CNTNAP2: variants seen among roughly 807,000 people sequenced by gnomAD.
CNTNAP2 encodes the protein contactin-associated protein-like 2.
A neutral mutation model predicts 155.2 loss-of-function variants in CNTNAP2; 98 were observed. The observed-to-expected ratio is 0.63, with a 90% CI of 0.54 to 0.75. The LOEUF (loss-of-function observed/expected upper bound fraction) is 0.75, where lower values mean the gene tolerates loss of function less well. CNTNAP2 is among the 30% of genes least tolerant of loss of function. The pLI is 0.00. For missense variants in CNTNAP2, 1,727 were observed against 1,688.1 expected (o/e 1.02, Z -0.40); for synonymous variants, 651 against 631.2 (o/e 1.03, Z -0.47).
chr7:147,225,902 GGAAA>G (rs763847928), intron 8 of CNTNAP2, among the ~76,000 whole-genome samples: 220 of 103,392 alleles, frequency 2.1e-3, no homozygotes, highest in Admixed American at 4.7e-3. Context: ...AAGGAAGGAA[GGAAA>G]GAAGGAAGGA....
intron 15 of CNTNAP2, among the ~76,000 whole-genome samples, chr7:148,080,437 C>T (rs1176384224): frequency 6.6e-6 from 1 of 151,782 alleles, no homozygotes; most frequent in Admixed American, 6.6e-5. Flanking sequence ...AGCCCCATCT[C>T]TACTAAAAAT....
Position 147,398,185 on chromosome 7 carries a change from A to G in CNTNAP2, c.1670+2405A>G, listed in dbSNP as rs149407858. Among the ~76,000 whole-genome samples, 27 of 152,194 alleles carry G rather than the reference A, an allele frequency of 1.8e-4. No individual in the cohort carries two copies. The East Asian group carries it at 5.2e-3, about 29-fold the overall frequency. On this transcript the variant is annotated intron_variant, in intron 10 of 23. Transcript: ENST00000361727. ...TCCAGGTAAAAGTACCAGTGGTTTT[A>G]GTCTGTCCTCATAGAGCAGTGATGT... is the stretch of plus-strand genomic sequence containing the variant.
At chr7:147,397,909 C>T (rs920862903) in intron 10 of CNTNAP2, among the ~76,000 whole-genome samples, 24 of 152,016 alleles carry the variant, frequency 1.6e-4, no homozygotes, top group African/African-American at 5.8e-4. Flanking sequence ...AAGTAGCCAC[C>T]TGTGACACAT....
At chr7:147,482,549 C>A (rs1407683406) in intron 10 of CNTNAP2, among the ~76,000 whole-genome samples, 4 of 151,096 alleles carry the variant, frequency 2.6e-5, no homozygotes, top group Non-Finnish European at 5.9e-5. Flanking sequence ...AAACCCCGTC[C>A]CTACAAAAAA....
At chr7:148,287,791 T>C (rs1461806036) in intron 21 of CNTNAP2, among the ~76,000 whole-genome samples, 10 of 20,326 alleles carry the variant, frequency 4.9e-4, no homozygotes, top group East Asian at 5.2e-3. Flanking sequence ...TTCTTTCTTT[T>C]TTTCTTTTTT....
chr7:146,231,039 T>TAAATAAATAAATAAATAAATAAAA (rs1195125681), intron 1 of CNTNAP2, among the ~76,000 whole-genome samples: 66 of 140,124 alleles, frequency 4.7e-4, no homozygotes, highest in African/African-American at 1.6e-3. Context: ...AATAAATAAA[T>TAAATAAATAAATAAATAAATAAAA]AAAAAGTTAA....
intron 2 of CNTNAP2, among the ~76,000 whole-genome samples, chr7:146,828,730 G>C (rs1169581726): frequency 6.6e-6 from 1 of 152,070 alleles, no homozygotes; most frequent in Non-Finnish European, 1.5e-5. Context: ...TGTTTAGTAA[G>C]TGAGCTTTCA....
intron 15 of CNTNAP2, among the ~76,000 whole-genome samples, chr7:147,997,538 A>G (rs185508788): frequency 6.8e-6 from 1 of 146,548 alleles, no homozygotes; most frequent in Non-Finnish European, 1.5e-5. Flanking sequence ...CCTGGGCAAC[A>G]AGAGCAAAAC....
intron 11 of CNTNAP2, among the ~76,000 whole-genome samples, chr7:147,548,070 G>A (rs770499398): frequency 7.2e-5 from 11 of 152,184 alleles, no homozygotes; most frequent in Admixed American, 1.3e-4. Flanking sequence ...GTAAACATGT[G>A]TGCATGTGTC....
At chr7:148,015,194 A>G (rs983649544) in intron 15 of CNTNAP2, among the ~76,000 whole-genome samples, 6 of 152,198 alleles carry the variant, frequency 3.9e-5, no homozygotes, top group Non-Finnish European at 7.3e-5. Context: ...TTTAATTTGC[A>G]GAACATTACA....
At chr7:146,934,045 G>A (rs1796851095) in intron 3 of CNTNAP2, among the ~76,000 whole-genome samples, 1 of 152,212 alleles carries the variant, frequency 6.6e-6, no homozygotes. Flanking sequence ...TTTCCTCAGG[G>A]ATCTAGAACT....
intron 1 of CNTNAP2, among the ~76,000 whole-genome samples, chr7:146,556,394 G>A (rs1798198410): frequency 6.6e-6 from 1 of 152,086 alleles, no homozygotes; most frequent in Non-Finnish European, 1.5e-5. Context: ...GAGATAAAAT[G>A]GGGAAAATAA....
At chr7:148,199,236 A>G (rs1303708798) in intron 18 of CNTNAP2, among the ~76,000 whole-genome samples, 1 of 152,234 alleles carries the variant, frequency 6.6e-6, no homozygotes, top group Non-Finnish European at 1.5e-5. Flanking sequence ...CCAAGCTGCT[A>G]CTCAAATGTC....
rs574231298 is a variant in CNTNAP2 at position 148,140,728 on chromosome 7, C to A, written c.2555-6763C>A. Among the ~76,000 whole-genome samples, 7 of 152,294 alleles carry A rather than the reference C, an allele frequency of 4.6e-5. No homozygotes were observed. In the South Asian group the frequency reaches 1.5e-3, roughly 32 times the overall value. On this transcript the variant is annotated intron_variant, in intron 16 of 23. Coordinates refer to ENST00000361727, the MANE Select transcript of CNTNAP2 (RefSeq NM_014141.6). Reference sequence around the variant, plus strand: ...TGAGCCACCACACCCAGCCCAGGCCCCATCTTAAATGCCATCTGGTGTGGC... The same window carrying A: ...TGAGCCACCACACCCAGCCCAGGCCACATCTTAAATGCCATCTGGTGTGGC...
At chr7:147,140,266 A>T (rs1431799297) in intron 8 of CNTNAP2, among the ~76,000 whole-genome samples, 1 of 151,784 alleles carries the variant, frequency 6.6e-6, no homozygotes, top group Non-Finnish European at 1.5e-5. Context: ...TCTTTCCGAG[A>T]TTGAATCTCT....
At chr7:146,714,152 G>C (rs1212288297) in intron 1 of CNTNAP2, among the ~76,000 whole-genome samples, 1 of 152,126 alleles carries the variant, frequency 6.6e-6, no homozygotes, top group Admixed American at 6.6e-5. Context: ...CGTGACGCAT[G>C]ATCATGGCTA....
chr7:147,362,731 A>G (rs759201487), intron 9 of CNTNAP2, among the ~76,000 whole-genome samples: 1 of 152,140 alleles, frequency 6.6e-6, no homozygotes, highest in Non-Finnish European at 1.5e-5. Context: ...CGCATACCCA[A>G]GGTGAAGCCA....
chr7:146,925,715 A>C (rs908676651), intron 3 of CNTNAP2, among the ~76,000 whole-genome samples: 1 of 152,170 alleles, frequency 6.6e-6, no homozygotes, highest in Non-Finnish European at 1.5e-5. Context: ...TCTAAGCTCT[A>C]TTAAATTCCA....
chr7:146,764,833 C>A (rs1244331228), intron 1 of CNTNAP2, among the ~76,000 whole-genome samples: 2 of 152,018 alleles, frequency 1.3e-5, no homozygotes, highest in Non-Finnish European at 2.9e-5. Flanking sequence ...TGAAAGAAAT[C>A]TGAACTAATT....
Sources: gnomAD v4.1 joint callset for allele counts (sites outside exome capture counted in the v4.1 genomes callset) on GRCh38, gnomAD v4.1.1 for gene constraint, MANE v1.5 for transcripts, NCBI Gene and HGNC (gene_info 2026-07-23, HGNC 2026-07-21) for gene names.